The following DOK6 variants were observed in gnomAD, a reference collection of about 807,000 sequenced individuals.
DOK6 encodes docking protein 6.
Under a neutral mutation model 44.0 loss-of-function variants are expected in DOK6, and 22 were observed. The observed-to-expected ratio is 0.50, with a 90% confidence interval of 0.36 to 0.71. The LOEUF (loss-of-function observed/expected upper bound fraction) is 0.71, where lower values mean the gene tolerates loss of function less well. DOK6 is among the 30% of genes least tolerant of loss of function. DOK6 has a pLI of 0.00. For missense variants in DOK6, 340 were observed against 416.4 expected, an observed-to-expected ratio of 0.82 and a Z score of 1.60; for synonymous variants, 166 against 145.5, an observed-to-expected ratio of 1.14 and a Z score of -1.01.
chr18:69,660,911 C>T (rs1311244311), intron 3 of DOK6: 1 of 152,382 alleles, frequency 6.6e-6, no homozygotes, highest in Non-Finnish European at 1.5e-5. Flanking sequence ...CCTCGTGATC[C>T]ACCTGCCTCG....
In DOK6 at chr18:69,599,516, A is replaced by T; in HGVS notation, c.289+18A>T. 4.4e-6 allele frequency: 7 copies of T among 1,603,708 alleles called. No homozygotes were observed. Among genetic ancestry groups the T allele is most frequent in the Non-Finnish European group, 6.0e-6 (7 of 1,172,060 alleles). ...TGAGTCAGGTAAGCTATTATTGGCC[A>T]TCTACCCCTTGAGGAAATTGAGCTG... On this transcript the variant is annotated intron_variant, in intron 3 of 7. Coordinates refer to ENST00000382713, the MANE Select transcript of DOK6 (RefSeq NM_152721.6).
chr18:69,623,007 G>T (rs954760946), intron 3 of DOK6, among the ~76,000 whole-genome samples: 3 of 152,204 alleles, frequency 2.0e-5, no homozygotes, highest in African/African-American at 7.2e-5. Context: ...CTCATGTAGA[G>T]TTGTCATCCT....
chr18:69,455,372 T>C (rs571282662), intron 1 of DOK6, among the ~76,000 whole-genome samples: 1 of 152,304 alleles, frequency 6.6e-6, no homozygotes, highest in African/African-American at 2.4e-5. Flanking sequence ...CCTACTTTAT[T>C]TTTTAAGTCT....
At chr18:69,643,361 G>C (rs1044002943) in intron 3 of DOK6, among the ~76,000 whole-genome samples, 8 of 152,174 alleles carry the variant, frequency 5.3e-5, no homozygotes, top group African/African-American at 1.7e-4. Context: ...ACACAGCCAA[G>C]ATACTGAACA....
intron 1 of DOK6, among the ~76,000 whole-genome samples, chr18:69,470,887 G>C (rs72957440): frequency 0.11 from 17,407 of 152,128 alleles, 1,195 homozygotes; most frequent in Admixed American, 0.15. Context: ...TTTAGAGGAG[G>C]GGGCTCAGAG....
rs944756725 is a variant in DOK6 at position 69,629,769 on chromosome 18, GTTTT to G, written c.289+30273_289+30276del. On this transcript the variant is annotated intron_variant, in intron 3 of 7. Coordinates refer to ENST00000382713, the MANE Select transcript of DOK6 (RefSeq NM_152721.6). ...CACAAACCCTCCTTCAGCCCTATGG[GTTTT>G]TGTTTGTTTGTTTTTGTTTGTTTGT... is the stretch of plus-strand genomic sequence containing the variant. Among the ~76,000 whole-genome samples, 80 of 151,904 alleles carry G rather than the reference GTTTT, an allele frequency of 5.3e-4. 1 individual carries two copies. The highest frequency in any genetic ancestry group is 3.4e-3 in the Middle Eastern group (1 of 294).
intron 5 of DOK6, among the ~76,000 whole-genome samples, chr18:69,738,273 A>C (rs2144737186): frequency 6.6e-6 from 1 of 152,350 alleles, no homozygotes; most frequent in African/African-American, 2.4e-5. Flanking sequence ...TGTAATCTGA[A>C]AAATCAGCAA....
intron 1 of DOK6, among the ~76,000 whole-genome samples, chr18:69,430,668 C>A (rs375676361): frequency 2.0e-5 from 3 of 152,040 alleles, no homozygotes; most frequent in African/African-American, 7.2e-5. Context: ...TTTTTTCCCG[C>A]TTGAAAATAG....
Position 69,538,720 on chromosome 18 carries a change from G to A in DOK6, c.67-25767G>A, listed in dbSNP as rs140181878. On this transcript the variant is annotated intron_variant, in intron 1 of 7. Coordinates refer to ENST00000382713, the MANE Select transcript of DOK6 (RefSeq NM_152721.6). The stretch of plus-strand genomic sequence containing the variant: ...CCAACCTTTCTATTCCCACTGCCTT[G>A]CTCACCAGGATATTTCCTCTCTAGT... 1.0e-2 allele frequency among the ~76,000 whole-genome samples: 1,518 copies of A among 152,030 alleles called. 29 individuals are homozygous for A. Among genetic ancestry groups the A allele is most frequent in the African/African-American group, 0.035 (1,455 of 41,436 alleles).
In DOK6 at chr18:69,493,889, T is replaced by G. The variant is rs981320560; in HGVS notation, c.67-70598T>G. Among the ~76,000 whole-genome samples, 8 of 152,188 alleles carry G rather than the reference T, an allele frequency of 5.3e-5. 1 individual carries two copies. The highest frequency in any genetic ancestry group is 1.7e-4 in the African/African-American group (7 of 41,446). On this transcript the variant is annotated intron_variant, in intron 1 of 7. Coordinates refer to ENST00000382713, the MANE Select transcript of DOK6 (RefSeq NM_152721.6). ...AGATGTACAATGTGATGATATAATA[T>G]GCATATACATTGTGAAATGATTACC...
intron 3 of DOK6, among the ~76,000 whole-genome samples, chr18:69,621,211 G>A (rs933773984): frequency 3.9e-5 from 6 of 152,102 alleles, no homozygotes; most frequent in African/African-American, 1.4e-4. Flanking sequence ...GGCTCTCCAT[G>A]TCCTAGTGAT....
chr18:69,436,766 A>T (rs1328317287), intron 1 of DOK6, among the ~76,000 whole-genome samples: 1 of 151,902 alleles, frequency 6.6e-6, no homozygotes, highest in Non-Finnish European at 1.5e-5. Flanking sequence ...ACTAATTTAC[A>T]CTCCCACCAA....
intron 1 of DOK6, among the ~76,000 whole-genome samples, chr18:69,502,588 T>G (rs1459195600): frequency 6.6e-6 from 1 of 152,082 alleles, no homozygotes; most frequent in African/African-American, 2.4e-5. Context: ...TAGTAAAGTA[T>G]CAACCACGTG....
chr18:69,781,119 T>G (rs1980252207), intron 7 of DOK6, among the ~76,000 whole-genome samples: 1 of 152,206 alleles, frequency 6.6e-6, no homozygotes, highest in Non-Finnish European at 1.5e-5. Context: ...ACTGCTCATC[T>G]GCTTGTCTCC....
At chr18:69,789,950 C>T (rs999133719) in intron 7 of DOK6, among the ~76,000 whole-genome samples, 2 of 152,112 alleles carry the variant, frequency 1.3e-5, no homozygotes, top group Non-Finnish European at 2.9e-5. Context: ...CACAAAGACA[C>T]TTTTGATCCC....
At chr18:69,512,332 C>CTTCTTCTTTTTTTTTTTT (rs59109570) in intron 1 of DOK6, among the ~76,000 whole-genome samples, 3 of 91,690 alleles carry the variant, frequency 3.3e-5, no homozygotes, top group African/African-American at 9.4e-5. Context: ...CTTTCTTCTT[C>CTTCTTCTTTTTTTTTTTT]TTTTTTTTTT....
chr18:69,548,330 G>A (rs1982467074), intron 1 of DOK6, among the ~76,000 whole-genome samples: 1 of 151,300 alleles, frequency 6.6e-6, no homozygotes, highest in South Asian at 2.1e-4. Context: ...TTGTGAACAG[G>A]GGGCACCTTT....
At chr18:69,831,302 C>T (rs546415261) in intron 7 of DOK6, 9 of 152,288 alleles carry the variant, frequency 5.9e-5, no homozygotes, top group African/African-American at 1.7e-4. Flanking sequence ...GGATGATGCC[C>T]GCCCATATTG....
chr18:69,706,346 T>G (rs1262829875), intron 5 of DOK6, among the ~76,000 whole-genome samples: 1 of 152,108 alleles, frequency 6.6e-6, no homozygotes, highest in African/African-American at 2.4e-5. Context: ...ACCTATCTGG[T>G]TTTCAGAAGA....
Sources: allele counts gnomAD v4.1 joint callset (sites outside exome capture counted in the v4.1 genomes callset), GRCh38; gene constraint gnomAD v4.1.1; transcripts MANE v1.5; gene names NCBI Gene and HGNC (gene_info 2026-07-23, HGNC 2026-07-21).